The following STARD13 variants were observed in gnomAD, a reference collection of about 807,000 sequenced individuals.
The protein encoded by STARD13 is StAR related lipid transfer domain containing 13.
STARD13 carries 62 observed loss-of-function variants against 106.4 expected under a neutral mutation model. The ratio of observed to expected loss-of-function variants is 0.58; its 90% CI spans 0.48 to 0.72. The LOEUF is 0.72. STARD13 is among the 30% of genes least tolerant of loss of function. The pLI, the probability that STARD13 is intolerant of heterozygous loss-of-function variation, is 0.00. For missense variants in STARD13, 1,387 were observed against 1,424.0 expected (o/e 0.97, Z 0.42); for synonymous variants, 565 against 553.0 (o/e 1.02, Z -0.31).
At chr13:33,284,539 T>C (rs1436198974) in intron 1 of STARD13, among the ~76,000 whole-genome samples, 1 of 151,894 alleles carries the variant, frequency 6.6e-6, no homozygotes, top group African/African-American at 2.4e-5. Context: ...CAACGTGTGT[T>C]AGGGGCTTCT....
chr13:33,142,501 C>T lies in STARD13; in HGVS notation c.324-128G>A, dbSNP rs575270282. The stretch of plus-strand genomic sequence containing the variant: ...CAACCAATTATGTCCCAAGACAGTA[C>T]TGCACCCACAGAAGGTATGCTATAT... On this transcript the variant is annotated intron_variant, in intron 3 of 13. Transcript: ENST00000336934. The T allele has an allele frequency of 2.6e-4, 208 of 786,228 alleles. 3 individuals are homozygous for T. The highest frequency in any genetic ancestry group is 1.7e-3 in the Middle Eastern group (6 of 3,614). The allele number at this position is 786,228 out of a possible 1,614,324, so 48.7% of individuals were successfully genotyped here.
chr13:33,444,266 A>G, the STARD13 span, among the ~76,000 whole-genome samples: 2 of 152,134 alleles, frequency 1.3e-5, no homozygotes, highest in Admixed American at 1.3e-4. Context: ...AGTGGTCTAT[A>G]TTGGAGATCC....
the STARD13 span, among the ~76,000 whole-genome samples, chr13:33,407,084 G>A: frequency 6.6e-6 from 1 of 152,174 alleles, no homozygotes; most frequent in Non-Finnish European, 1.5e-5. Flanking sequence ...TCAGAATATG[G>A]GTTCTCAATG....
At position 33,129,173 on chromosome 13, in the gene STARD13, C is replaced by T. The variant is rs1452044514; in HGVS notation, c.1504G>A (p.Asp502Asn). ...TCAGGCAAGACATCTTTGGACCAGT[C>T]ATCGACTACCTCTTGGAGCCCATTG... ...HVNGLQEVVD[D>N]WSKDVLPELQ... Residue 502 changes from aspartate to asparagine, a missense_variant, in exon 5 of 14, where the codon GAC (aspartate) becomes AAC (asparagine). Coordinates refer to ENST00000336934, the MANE Select transcript of STARD13 (RefSeq NM_178006.4). 1 of 1,614,092 alleles carries T rather than the reference C, an allele frequency of 6.2e-7. No homozygotes were observed. Among genetic ancestry groups the T allele is most frequent in the Non-Finnish European group, 8.5e-7 (1 of 1,180,062 alleles).
chr13:33,499,533 T>C, the STARD13 span, among the ~76,000 whole-genome samples: 3 of 44,368 alleles, frequency 6.8e-5, no homozygotes, highest in South Asian at 1.9e-3. Context: ...TTCTTCTTCT[T>C]CTTCTTCTTC....
Position 33,104,396 on chromosome 13 carries a change from G to A in STARD13, c.*1197C>T, listed in dbSNP as rs984907348. ...ATTATACTATCTAAAACTAATCAAAGAACATAGTTTTGGTCTCATGTTAGT... is the reference window on the plus strand; with the variant it reads ...ATTATACTATCTAAAACTAATCAAAAAACATAGTTTTGGTCTCATGTTAGT... On this transcript the variant is annotated 3_prime_UTR_variant, in exon 14 of 14. Transcript: ENST00000336934. The A allele has an allele frequency of 5.2e-5, 8 of 152,576 alleles. No individual in the cohort carries two copies. The highest frequency in any genetic ancestry group is 1.4e-4 in the African/African-American group (6 of 41,444). The allele number at this position is 152,576 out of a possible 1,614,324, so 9.5% of individuals were successfully genotyped here. A position where few individuals can be genotyped will look rare whatever the true frequency, so the allele number is the denominator to read the frequency against.
chr13:33,329,745 G>T (rs541451371), intron 1 of STARD13, among the ~76,000 whole-genome samples: 3 of 140,262 alleles, frequency 2.1e-5, no homozygotes, highest in African/African-American at 8.0e-5. Context: ...GCTTTGTCAC[G>T]CAGGCTGTAG....
At chr13:33,408,905 C>G in the STARD13 span, among the ~76,000 whole-genome samples, 2 of 152,030 alleles carry the variant, frequency 1.3e-5, no homozygotes, top group Admixed American at 6.6e-5. Context: ...CTCCCTCCTT[C>G]CTTCACATCT....
the STARD13 span, among the ~76,000 whole-genome samples, chr13:33,627,792 ATG>A: frequency 1.3e-5 from 2 of 152,080 alleles, no homozygotes; most frequent in Admixed American, 6.5e-5. Flanking sequence ...ATTTATGTAC[ATG>A]TGTCATTTAT....
At chr13:33,264,653 G>A (rs550485753) in intron 1 of STARD13, among the ~76,000 whole-genome samples, 1 of 152,288 alleles carries the variant, frequency 6.6e-6, no homozygotes, top group Non-Finnish European at 1.5e-5. Context: ...AGAACACTAA[G>A]TGGGAGCCTT....
At chr13:33,608,975 A>G in the STARD13 span, among the ~76,000 whole-genome samples, 3 of 150,602 alleles carry the variant, frequency 2.0e-5, no homozygotes, top group East Asian at 5.9e-4. Flanking sequence ...AGTCCCAGCT[A>G]CTCGGGAGGC....
chr13:33,413,894 A>T, the STARD13 span, among the ~76,000 whole-genome samples: 18 of 152,000 alleles, frequency 1.2e-4, no homozygotes, highest in Admixed American at 1.0e-3. Context: ...TTAGCTGAAC[A>T]TAGTGACACA....
chr13:33,527,900 A>T, the STARD13 span, among the ~76,000 whole-genome samples: 1 of 151,608 alleles, frequency 6.6e-6, no homozygotes, highest in African/African-American at 2.4e-5. Flanking sequence ...ATTTTAAAAC[A>T]TTTGGAATAC....
chr13:33,316,149 C>T (rs1893325120), intron 1 of STARD13, among the ~76,000 whole-genome samples: 1 of 152,186 alleles, frequency 6.6e-6, no homozygotes, highest in African/African-American at 2.4e-5. Context: ...TCAGACTCTA[C>T]CTTCTGCCTT....
the STARD13 span, among the ~76,000 whole-genome samples, chr13:33,496,209 A>G: frequency 6.8e-6 from 1 of 146,166 alleles, no homozygotes; most frequent in African/African-American, 2.5e-5. Flanking sequence ...ATAATTTCTA[A>G]TGTAAACATA....
chr13:33,617,467 T>C, the STARD13 span, among the ~76,000 whole-genome samples: 1 of 152,246 alleles, frequency 6.6e-6, no homozygotes, highest in Non-Finnish European at 1.5e-5. Context: ...ACTCACACTG[T>C]ACTACAATAA....
the STARD13 span, among the ~76,000 whole-genome samples, chr13:33,483,901 T>A: frequency 6.6e-6 from 1 of 152,226 alleles, no homozygotes; most frequent in Non-Finnish European, 1.5e-5. Flanking sequence ...ATATGAAAAG[T>A]ATATGATTTT....
chr13:33,336,588 T>C (rs1458363079), intron 1 of STARD13: 2 of 152,038 alleles, frequency 1.3e-5, no homozygotes, highest in African/African-American at 4.8e-5. Flanking sequence ...ACTCTGTCTC[T>C]TCAAAAAATT....
intron 2 of STARD13, among the ~76,000 whole-genome samples, chr13:33,167,061 C>A (rs1430385956): frequency 1.3e-5 from 2 of 151,438 alleles, no homozygotes; most frequent in Non-Finnish European, 2.9e-5. Context: ...AATAAGACAC[C>A]TTACCTAAAA....
Sources: allele counts gnomAD v4.1 joint callset (sites outside exome capture counted in the v4.1 genomes callset), GRCh38; gene constraint gnomAD v4.1.1; transcripts MANE v1.5; gene names NCBI Gene and HGNC (gene_info 2026-07-23, HGNC 2026-07-21).